The following CDK5RAP2 variants were observed in gnomAD, a reference collection of about 807,000 sequenced individuals.
CDK5RAP2 encodes the protein CDK5 regulatory subunit associated protein 2.
A neutral mutation model predicts 232.9 loss-of-function variants in CDK5RAP2; 147 were observed. The ratio of observed to expected loss-of-function variants is 0.63; its 90% confidence interval spans 0.55 to 0.72. The LOEUF (loss-of-function observed/expected upper bound fraction) is 0.72, where lower values mean the gene tolerates loss of function less well. CDK5RAP2 is among the 30% of genes least tolerant of loss of function. The probability of loss-of-function intolerance (pLI) is 0.00; values close to 1 mark genes in which losing one functional copy is unlikely to be tolerated. For synonymous variants in CDK5RAP2, 833 were observed against 833.7 expected (o/e 1.00, Z 0.01); for missense variants, 2,195 against 2,231.5 (o/e 0.98, Z 0.33).
chr9:120,579,925 G>A lies in CDK5RAP2; in HGVS notation c.54C>T (p.Gly18=). 6.2e-7 allele frequency: 1 copy of A among 1,613,158 alleles called. No individual in the cohort carries two copies. The change falls in exon 1 of 38, where the codon GGC becomes GGT. Residue 18 remains glycine, a synonymous_variant. Transcript: ENST00000349780. ...EDVTVPGTLS[G]CSGLVPSVPD... ...CACCAATGCCCCGGCCGCACCTGCA[G>A]CCGCTGAGCGTCCCAGGGACGGTGA...
intron 15 of CDK5RAP2, among the ~76,000 whole-genome samples, chr9:120,476,039 G>C (rs990027436): frequency 6.6e-6 from 1 of 152,154 alleles, no homozygotes; most frequent in Non-Finnish European, 1.5e-5. Flanking sequence ...AGGAGACAAA[G>C]TAGGGGAAAG....
At chr9:120,471,687 G>A in intron 16 of CDK5RAP2, 61 bp downstream of exon 16, 1 of 1,612,164 alleles carries the variant, frequency 6.2e-7, no homozygotes, top group Admixed American at 1.7e-5. Context: ...CTCTCCTGAA[G>A]TTCAGTCCAT....
intron 20 of CDK5RAP2, among the ~76,000 whole-genome samples, chr9:120,457,849 G>A (rs936990979): frequency 1.3e-5 from 2 of 152,178 alleles, no homozygotes; most frequent in Non-Finnish European, 2.9e-5. Flanking sequence ...GAGGCACTGA[G>A]AGATAAAACC....
intron 18 of CDK5RAP2, among the ~76,000 whole-genome samples, chr9:120,462,237 A>G (rs2131465735): frequency 6.6e-6 from 1 of 152,318 alleles, no homozygotes; most frequent in Admixed American, 6.5e-5. Context: ...CTGAAGCATA[A>G]AAGTCTATAA....
intron 5 of CDK5RAP2, among the ~76,000 whole-genome samples, chr9:120,543,524 C>T (rs969380203): frequency 2.6e-5 from 4 of 152,152 alleles, no homozygotes; most frequent in Admixed American, 6.5e-5. Flanking sequence ...GCCATCTCCT[C>T]AGGGACACTT....
intron 24 of CDK5RAP2, among the ~76,000 whole-genome samples, chr9:120,438,386 T>C (rs970395622): frequency 5.3e-5 from 8 of 152,156 alleles, no homozygotes; most frequent in Non-Finnish European, 8.8e-5. Flanking sequence ...ACCTTCAACA[T>C]AGAGTGTGCA....
chr9:120,488,075 G>A (rs970495147), intron 13 of CDK5RAP2, among the ~76,000 whole-genome samples: 7 of 152,206 alleles, frequency 4.6e-5, no homozygotes, highest in Admixed American at 3.9e-4. Flanking sequence ...CAACAGGACC[G>A]GAGACCATAT....
intron 32 of CDK5RAP2, among the ~76,000 whole-genome samples, chr9:120,404,542 A>G (rs2033302806): frequency 6.6e-6 from 1 of 152,174 alleles, no homozygotes. Flanking sequence ...TGGGCAGGTG[A>G]GAGGCAGACA....
At chr9:120,468,778 C>G (rs1021463055) in intron 17 of CDK5RAP2, among the ~76,000 whole-genome samples, 8 of 152,220 alleles carry the variant, frequency 5.3e-5, no homozygotes, top group African/African-American at 1.9e-4. Flanking sequence ...AGGCCACACA[C>G]AGAAGGAACA....
chr9:120,394,520 A>G lies in CDK5RAP2; in HGVS notation c.5570T>C (p.Phe1857Ser), dbSNP rs1233717740. 3.7e-6 allele frequency: 6 copies of G among 1,614,198 alleles called. No homozygotes were observed. The highest frequency in any genetic ancestry group is 4.2e-6 in the Non-Finnish European group (5 of 1,180,040). ...QLSKRQEKVI[F>S]DQLVVTHKIL... ...CCCCCACACTCACTCACATTGATCA[A>G]AGATGACTTTTTCCTGGCGCTTGCT... is the stretch of plus-strand genomic sequence containing the variant. The change falls in exon 36 of 38, where the codon TTT becomes TCT. Residue 1857 changes from phenylalanine to serine, a missense_variant. Physicochemically the swap from Phe to Ser is radical, Grantham distance 155. Transcript: ENST00000349780.
chr9:120,576,992 C>CA (rs2043056927), intron 1 of CDK5RAP2, among the ~76,000 whole-genome samples: 2 of 152,158 alleles, frequency 1.3e-5, no homozygotes, highest in Admixed American at 1.3e-4. Context: ...GGACATAATG[C>CA]TAAGTTAAAT....
At chr9:120,516,317 G>A (rs1029777636) in intron 12 of CDK5RAP2, among the ~76,000 whole-genome samples, 5 of 136,010 alleles carry the variant, frequency 3.7e-5, no homozygotes, top group Non-Finnish European at 7.6e-5. Context: ...ATTGAATAGC[G>A]AGAACACATG....
At chr9:120,517,579 T>G (rs1270753708) in intron 12 of CDK5RAP2, among the ~76,000 whole-genome samples, 1 of 152,226 alleles carries the variant, frequency 6.6e-6, no homozygotes, top group African/African-American at 2.4e-5. Context: ...TAATTGAAAT[T>G]TAATAAGTCT....
chr9:120,551,950 A>G lies in CDK5RAP2; in HGVS notation c.196-1048T>C, dbSNP rs1363560695. ...ATGTTTGCAATCTACTCATCTGACAAAGGGCTAATATCCAGAATCTACAAT... is the reference window on the plus strand; with the variant it reads ...ATGTTTGCAATCTACTCATCTGACAGAGGGCTAATATCCAGAATCTACAAT... On this transcript the variant is annotated intron_variant, in intron 3 of 37. Coordinates refer to ENST00000349780, the MANE Select transcript of CDK5RAP2 (RefSeq NM_018249.6). Among the ~76,000 whole-genome samples, 3 of 152,164 alleles carry G rather than the reference A, an allele frequency of 2.0e-5. 1 individual carries two copies. Among genetic ancestry groups the G allele is most frequent in the Non-Finnish European group, 2.9e-5 (2 of 68,026 alleles).
intron 19 of CDK5RAP2, among the ~76,000 whole-genome samples, chr9:120,460,094 G>A (rs1399149337): frequency 1.3e-5 from 2 of 152,106 alleles, no homozygotes; most frequent in Admixed American, 6.6e-5. Flanking sequence ...AGATTGCAGA[G>A]GGCCCCTAGG....
rs1441501728 is a variant in CDK5RAP2 at position 120,499,710 on chromosome 9, T to G, written c.1312-8233A>C. Among the ~76,000 whole-genome samples, 3 of 152,260 alleles carry G rather than the reference T, an allele frequency of 2.0e-5. No homozygotes were observed. The East Asian group carries it at 5.8e-4, about 29-fold the overall frequency. On this transcript the variant is annotated intron_variant, in intron 12 of 37. Coordinates refer to ENST00000349780, the MANE Select transcript of CDK5RAP2 (RefSeq NM_018249.6). ...AAAGAAAGGGTTTTTTATATTATTA[T>G]ACAAATGATACTAAAGCAACATTAA...
intron 10 of CDK5RAP2, among the ~76,000 whole-genome samples, chr9:120,525,618 A>G: frequency 6.7e-6 from 1 of 149,774 alleles, no homozygotes; most frequent in East Asian, 2.0e-4. Context: ...TACAATGTTG[A>G]CTTTTTTTTT....
chr9:120,422,670 C>T, intron 26 of CDK5RAP2, 23 bp downstream of exon 26: 1 of 1,598,122 alleles, frequency 6.3e-7, no homozygotes, highest in Non-Finnish European at 8.6e-7. Flanking sequence ...GGGAAGTCTT[C>T]TTAACAAATG....
At chr9:120,573,011 A>G (rs1183724563) in intron 1 of CDK5RAP2, among the ~76,000 whole-genome samples, 1 of 152,228 alleles carries the variant, frequency 6.6e-6, no homozygotes, top group Non-Finnish European at 1.5e-5. Flanking sequence ...TCCAGAAGCC[A>G]GGTCTTTTAT....
Sources: gnomAD v4.1 joint callset for allele counts (sites outside exome capture counted in the v4.1 genomes callset) on GRCh38, gnomAD v4.1.1 for gene constraint, MANE v1.5 for transcripts, NCBI Gene and HGNC (gene_info 2026-07-23, HGNC 2026-07-21) for gene names.